The following COL2A1 variants were observed in gnomAD, a reference collection of about 807,000 sequenced individuals.
COL2A1 encodes the protein collagen type II alpha 1 chain, also known as collagen alpha-1(II) chain.
COL2A1 carries 28 observed loss-of-function variants against 204.5 expected under a neutral mutation model. That is an observed-to-expected ratio of 0.14 (90% CI 0.10 to 0.19). The LOEUF (loss-of-function observed/expected upper bound fraction) is 0.19. Among genes scored for constraint, COL2A1 ranks in the 10% least tolerant of loss-of-function variants. The probability of loss-of-function intolerance (pLI) is 1.00; values close to 1 mark genes in which losing one functional copy is unlikely to be tolerated. For missense variants in COL2A1, 1,388 were observed against 2,027.5 expected, an observed-to-expected ratio of 0.68 and a Z score of 6.06; for synonymous variants, 708 against 718.7, an observed-to-expected ratio of 0.99 and a Z score of 0.24.
rs750787104 is a variant in COL2A1 at position 47,976,908 on chromosome 12, G to T, written c.3339C>A (p.Gly1113=). 4 of 1,606,140 alleles carry T rather than the reference G, an allele frequency of 2.5e-6. No individual in the cohort carries two copies. The highest frequency in any genetic ancestry group is 1.3e-5 in the African/African-American group (1 of 74,814). ...AGARGIQGPQ[G]PRGDKGEAGE... Reference sequence around the variant, plus strand: ...CAGCCTCTCCTTTGTCACCTCTGGGGCCTTGAGGACCCTGGGAACAAGACA... The same window carrying T: ...CAGCCTCTCCTTTGTCACCTCTGGGTCCTTGAGGACCCTGGGAACAAGACA... The change falls in exon 48 of 54, where the codon GGC becomes GGA. Residue 1113 remains glycine, a synonymous_variant. Transcript: ENST00000380518. This position sits in a 1 kb window ranked among gnomAD's most constrained non-coding sequence, Gnocchi z 4.3.
Position 47,982,720 on chromosome 12 carries a change from C to T in COL2A1, c.2194-111G>A, listed in dbSNP as rs3829736. 0.46 allele frequency: 558,344 copies of T among 1,226,996 alleles called. 129,640 individuals carry two copies. Among genetic ancestry groups the T allele is most frequent in the East Asian group, 0.57 (24,174 of 42,578 alleles). 76.0% of individuals were successfully genotyped at this position (1,226,996 alleles called of 1,614,324 possible). ...AAACCCCTCTTCCTTCCCTTCCTCC[C>T]ATGTAGACCTCCTTTCCAGCTCCCC... is the stretch of plus-strand genomic sequence containing the variant. On this transcript the variant is annotated intron_variant, in intron 33 of 53. Coordinates refer to ENST00000380518, the MANE Select transcript of COL2A1 (RefSeq NM_001844.5).
rs757931927 is a variant in COL2A1, at chr12:47,974,334, G to T, written c.4075-3C>A. On this transcript the variant is annotated splice_polypyrimidine_tract_variant and splice_region_variant and intron_variant, in intron 52 of 53. Transcript: ENST00000380518. ...AGATTGTCATCTCCATAGCTGAACT[G>T]TTGGGGCAGAGAGCGGCAGTGTGAG... 1.2e-6 allele frequency: 2 copies of T among 1,613,760 alleles called. No homozygotes were observed. Among genetic ancestry groups the T allele is most frequent in the Admixed American group, 1.7e-5 (1 of 60,002 alleles).
Position 47,998,068 on chromosome 12 carries a change from T to TGA in COL2A1, c.343-6_343-5dup, listed in dbSNP as rs767546020. On this transcript the variant is annotated splice_region_variant and splice_polypyrimidine_tract_variant and intron_variant, in intron 4 of 53. Coordinates refer to ENST00000380518, the MANE Select transcript of COL2A1 (RefSeq NM_001844.5). ...GAGGTCCTTTGGGTCCTACAATCTG[T>TGA]GAGAGAGAGCCCCACAGGATGGTAA... 1 of 1,614,152 alleles carries TGA rather than the reference T, an allele frequency of 6.2e-7. No homozygotes were observed. Among genetic ancestry groups the TGA allele is most frequent in the South Asian group, 1.1e-5 (1 of 91,080 alleles).
intron 1 of COL2A1, among the ~76,000 whole-genome samples, chr12:48,003,660 G>A (rs981103086): frequency 2.0e-5 from 3 of 152,148 alleles, no homozygotes; most frequent in Non-Finnish European, 2.9e-5. Flanking sequence ...GGGCCTATCG[G>A]AAGCCGTTCT....
intron 29 of COL2A1, 88 bp from the exon 30 acceptor site, chr12:47,983,824 G>A: frequency 7.1e-7 from 1 of 1,399,730 alleles, no homozygotes; most frequent in Non-Finnish European, 9.9e-7. Context: ...GGTCAGCAGG[G>A]TGGGCAGCAC....
chr12:47,988,073 T>C (rs1939524780), intron 18 of COL2A1, among the ~76,000 whole-genome samples: 1 of 152,188 alleles, frequency 6.6e-6, no homozygotes, highest in East Asian at 1.9e-4. Context: ...CGTGGGATGA[T>C]GGACGGACAC....
intron 7 of COL2A1, 98 bp downstream of exon 7, chr12:47,997,508 T>C: frequency 1.2e-6 from 2 of 1,609,708 alleles, no homozygotes; most frequent in Non-Finnish European, 1.7e-6. Context: ...TACACACTGC[T>C]GGCAGCCCTG....
At position 48,000,036 on chromosome 12, in the gene COL2A1, T is replaced by C. The variant is rs376641474; in HGVS notation, c.175A>G (p.Thr59Ala). Residue 59 changes from threonine (T) to alanine (A), a missense_variant, in exon 2 of 54, where the codon ACT becomes GCT. Transcript: ENST00000380518. Reference protein sequence around the residue: ...PEPCRICVCDTGTVLCDDIIC... With the variant: ...PEPCRICVCDAGTVLCDDIIC... Reference sequence around the variant, plus strand: ...ATGTCGTCGCAGAGGACAGTCCCAGTGTCACAGACACAGATCCGGCAGGGC... The same window carrying C: ...ATGTCGTCGCAGAGGACAGTCCCAGCGTCACAGACACAGATCCGGCAGGGC... The C allele has an allele frequency of 6.8e-6, 11 of 1,613,968 alleles. No individual in the cohort carries two copies. The African/African-American group carries it at 1.5e-4, about 22-fold the overall frequency.
Position 47,976,008 on chromosome 12 carries a change from A to T in COL2A1, c.3552T>A (p.Ile1184=), listed in dbSNP as rs1938688837. 6.2e-7 allele frequency: 1 copy of T among 1,613,902 alleles called. No individual in the cohort carries two copies. Residue 1184 remains isoleucine, a synonymous_variant, in exon 50 of 54, where the codon ATT becomes ATA. Coordinates refer to ENST00000380518, the MANE Select transcript of COL2A1 (RefSeq NM_001844.5). This position sits in a 1 kb window ranked among gnomAD's most constrained non-coding sequence, Gnocchi z 4.3. Reference sequence around the variant, plus strand: ...ATCGTCCACGGGGACCAGGAGGCCCAATGGGGCCAGGGATTCCATTAGCAC... The same window carrying T: ...ATCGTCCACGGGGACCAGGAGGCCCTATGGGGCCAGGGATTCCATTAGCAC... The part of the protein sequence containing the change: ...KDGANGIPGP[I]GPPGPRGRSG...
chr12:47,987,756 C>T lies in COL2A1; in HGVS notation c.1123-47G>A. ...GAAATGAAGAAGAAGAGAGGGGACA[C>T]AGACCTCTAGTGGGTGGGCAATAGC... On this transcript the variant is annotated intron_variant, in intron 18 of 53. Coordinates refer to ENST00000380518, the MANE Select transcript of COL2A1 (RefSeq NM_001844.5). This position sits in a 1 kb window ranked among gnomAD's most constrained non-coding sequence, Gnocchi z 4.1. 1.4e-6 allele frequency: 2 copies of T among 1,463,520 alleles called. No individual in the cohort carries two copies. Among genetic ancestry groups the T allele is most frequent in the East Asian group, 4.7e-5 (2 of 42,124 alleles). 90.7% of individuals were successfully genotyped at this position (1,463,520 alleles called of 1,614,324 possible).
At position 47,976,052 on chromosome 12, in the gene COL2A1, C is replaced by T. The variant is rs121912891; in HGVS notation, c.3508G>A (p.Gly1170Ser). 6.2e-7 allele frequency: 1 copy of T among 1,613,594 alleles called. No individual in the cohort carries two copies. The highest frequency in any genetic ancestry group is 8.5e-7 in the Non-Finnish European group (1 of 1,179,624). Reference sequence around the variant, plus strand: ...TTAGCACCATCTTTGCCAGAGGGACCGACGGGGCCAGGAGGACCCTGCAAG... The same window carrying T: ...TTAGCACCATCTTTGCCAGAGGGACTGACGGGGCCAGGAGGACCCTGCAAG... ...SGPRGPPGPV[G>S]PSGKDGANGI... The change falls in exon 50 of 54, where the codon GGT (glycine) becomes AGT (serine). Residue 1170 changes from glycine (G) to serine (S), a missense_variant. Coordinates refer to ENST00000380518, the MANE Select transcript of COL2A1 (RefSeq NM_001844.5). The surrounding 1 kb of genome is among the most constrained non-coding windows in gnomAD (Gnocchi z 4.3).
rs149375186 is a variant in COL2A1 at position 47,974,303 on chromosome 12, G to A, written c.4103C>T (p.Pro1368Leu). ...GGTCATCTGGACGTTGGCAGTGTTG[G>A]GAGCCAGATTGTCATCTCCATAGCT... is the stretch of plus-strand genomic sequence containing the variant. ...HFSYGDDNLA[P>L]NTANVQMTFL... Residue 1368 changes from proline (P) to leucine (L), a missense_variant, in exon 53 of 54, where the codon CCC (proline) becomes CTC (leucine). Around this residue, in one of 3 missense-constraint regions of COL2A1, gnomAD observed 303 missense variants for 369.2 expected, o/e 0.82. Coordinates refer to ENST00000380518, the MANE Select transcript of COL2A1 (RefSeq NM_001844.5). 4.4e-5 allele frequency: 71 copies of A among 1,614,022 alleles called. No individual in the cohort carries two copies. Among genetic ancestry groups the A allele is most frequent in the Non-Finnish European group, 5.6e-5 (66 of 1,180,054 alleles).
At chr12:47,977,518 A>ACCCCC in intron 45 of COL2A1, 82 bp downstream of exon 45, 1 of 1,598,628 alleles carries the variant, frequency 6.3e-7, no homozygotes. Context: ...GACTTGTTCC[A>ACCCCC]ACCTGCCACC....
At chr12:47,981,299 C>T (rs756712153) in intron 37 of COL2A1, 44 bp downstream of exon 37, 1 of 1,601,324 alleles carries the variant, frequency 6.2e-7, no homozygotes, top group South Asian at 1.1e-5. Context: ...CTCTGGTTCC[C>T]AGGGGCCTCG....
intron 11 of COL2A1, 118 bp from the exon 12 acceptor site, chr12:47,994,595 C>T: frequency 1.0e-6 from 1 of 994,748 alleles, no homozygotes; most frequent in Non-Finnish European, 1.6e-6. Context: ...GCTCACTCAT[C>T]TCCCTCACCT....
chr12:47,984,219 C>A (rs1392478638), intron 28 of COL2A1, 79 bp from the exon 29 acceptor site: 6 of 1,370,790 alleles, frequency 4.4e-6, no homozygotes, highest in Admixed American at 1.9e-5. Flanking sequence ...GGCAAAGGTA[C>A]TTCTGGCCCA....
Position 47,975,304 on chromosome 12 carries a change from T to C in COL2A1, c.3886+13A>G. The stretch of plus-strand genomic sequence containing the variant: ...TGCTTCCCGGGGCAGGGGATCCTGT[T>C]CTCCAAGCTTACCACTCTTCCACTC... On this transcript the variant is annotated intron_variant, in intron 51 of 53. Coordinates refer to ENST00000380518, the MANE Select transcript of COL2A1 (RefSeq NM_001844.5). The C allele has an allele frequency of 6.2e-7, 1 of 1,613,542 alleles. No individual in the cohort carries two copies.
rs1264060025 is a variant in COL2A1, at chr12:47,992,917, C to T, written c.984G>A (p.Leu328=). The T allele has an allele frequency of 6.2e-7, 1 of 1,614,194 alleles. No individual in the cohort carries two copies. The highest frequency in any genetic ancestry group is 8.5e-7 in the Non-Finnish European group (1 of 1,180,020). The change falls in exon 16 of 54, where the codon CTG becomes CTA. Residue 328 remains leucine, a synonymous_variant. Coordinates refer to ENST00000380518, the MANE Select transcript of COL2A1 (RefSeq NM_001844.5). Reference sequence around the variant, plus strand: ...GGCCAGTCCGTCCTCTTTCACCAGGCAGGCCACGAGGACCCTGGAACACAC... The same window carrying T: ...GGCCAGTCCGTCCTCTTTCACCAGGTAGGCCACGAGGACCCTGGAACACAC... ...GSPGPMGPRG[L]PGERGRTGPA... is the part of the protein sequence containing the mutation.
Position 47,982,816 on chromosome 12 carries a change from C to T in COL2A1, c.2193+32G>A, listed in dbSNP as rs3829735. The T allele has an allele frequency of 0.012, 18,843 of 1,581,386 alleles. 945 individuals carry two copies. The highest frequency in any genetic ancestry group is 0.11 in the South Asian group (10,207 of 90,578). On this transcript the variant is annotated intron_variant, in intron 33 of 53. Transcript: ENST00000380518. ...GCTCAGTGGGACTCCCAGGCTACCA[C>T]GAAGACCCCTACAGGATGCAGCCTC...
Sources: gnomAD v4.1 joint callset for allele counts (sites outside exome capture counted in the v4.1 genomes callset) on GRCh38, gnomAD v4.1.1 for gene constraint, gnomAD v4.1.1 regional missense constraint, Gnocchi (gnomAD v3.1) non-coding constraint, MANE v1.5 for transcripts, NCBI Gene and HGNC (gene_info 2026-07-23, HGNC 2026-07-21) for gene names.